The following ZBTB37 variants were observed in gnomAD, a reference collection of about 807,000 sequenced individuals.
ZBTB37 encodes zinc finger and BTB domain-containing protein 37.
In ZBTB37, 15 loss-of-function variants were observed where a neutral mutation model predicts 37.7. That is an observed-to-expected ratio of 0.40 (90% confidence interval 0.27 to 0.61). The LOEUF is 0.61. Ranked by LOEUF, ZBTB37 falls within the 20% of genes least tolerant of loss-of-function variation. ZBTB37 has a pLI of 0.44. For missense variants in ZBTB37, 514 were observed against 641.9 expected, an observed-to-expected ratio of 0.80 and a Z score of 2.15; for synonymous variants, 231 against 220.6, an observed-to-expected ratio of 1.05 and a Z score of -0.42.
intron 3 of ZBTB37, among the ~76,000 whole-genome samples, chr1:173,872,334 G>GCCTC (rs1655626550): frequency 6.6e-6 from 1 of 151,916 alleles, no homozygotes. Flanking sequence ...CAGCCTCCCA[G>GCCTC]AGTGCTGGGA....
At chr1:173,884,230 C>A (rs905497165) in intron 4 of ZBTB37, among the ~76,000 whole-genome samples, 4 of 150,968 alleles carry the variant, frequency 2.6e-5, no homozygotes, top group African/African-American at 9.8e-5. Context: ...CAGCTTATTG[C>A]AGCCTTGGCT....
At chr1:173,885,487 T>G in intron 4 of ZBTB37, 149 bp from the exon 5 acceptor site, 3 of 680,330 alleles carry the variant, frequency 4.4e-6, no homozygotes, top group Non-Finnish European at 7.3e-6. Flanking sequence ...TATGGTAATA[T>G]CTTTACTTTT....
chr1:173,871,699 G>A (rs750800779), intron 3 of ZBTB37, among the ~76,000 whole-genome samples: 4 of 152,108 alleles, frequency 2.6e-5, no homozygotes, highest in Non-Finnish European at 5.9e-5. Flanking sequence ...CCCTTGTCAC[G>A]TGATGGTATC....
chr1:173,902,873 T>C lies in ZBTB37; in HGVS notation c.*16749T>C, dbSNP rs1213427646. The C allele has an allele frequency of 3.9e-5, 6 of 152,262 alleles. 1 individual carries two copies. In the South Asian group the frequency reaches 6.2e-4, roughly 16 times the overall value. 9.4% of individuals were successfully genotyped at this position (152,262 alleles called of 1,614,324 possible). ...ACAAGTAATAACATCCACTTTTAAG[T>C]GGCCCCCACTCCATGCCAAAGGGAA... On this transcript the variant is annotated 3_prime_UTR_variant, in exon 4 of 4. Coordinates refer to the ZBTB37 transcript ENST00000367701.
At chr1:173,871,044 C>T (rs1437510890) in exon 3 of ZBTB37, 10 of 1,614,166 alleles carry the variant, frequency 6.2e-6, no homozygotes, top group Non-Finnish European at 7.6e-6. Flanking sequence ...AAGTAACAGC[C>T]ATGGTGATTG....
exon 4 of ZBTB37, chr1:173,903,143 C>T (rs1054635716): frequency 2.6e-5 from 4 of 152,048 alleles, no homozygotes; most frequent in African/African-American, 9.7e-5. Flanking sequence ...GACAGGTGTT[C>T]TCAGTCTCTC....
In ZBTB37 at chr1:173,885,561, A is replaced by G; in HGVS notation, c.1024-75A>G. 2.4e-6 allele frequency: 3 copies of G among 1,272,370 alleles called. No individual in the cohort carries two copies. In the South Asian group the frequency reaches 4.7e-5, roughly 20 times the overall value. The allele number at this position is 1,272,370 out of a possible 1,614,324, so 78.8% of individuals were successfully genotyped here. On this transcript the variant is annotated intron_variant, in intron 4 of 4. Transcript: ENST00000427304. ...ACATATATCTTAGTAACAAGTAAAA[A>G]TAGATTTGATTGCTTTTAATATGTA...
chr1:173,872,971 T>TA lies in ZBTB37; in HGVS notation c.924-495dup, dbSNP rs1238930804. ...GCAGTTAGCTGGGATCACGCCACTG[T>TA]ACTCCAGCCTGGGCAACAGAGCAAG... On this transcript the variant is annotated intron_variant, in intron 3 of 4. Coordinates refer to ENST00000427304, the Ensembl canonical transcript of ZBTB37. Among the ~76,000 whole-genome samples, 83 of 150,816 alleles carry TA rather than the reference T, an allele frequency of 5.5e-4. 1 individual carries two copies. In the Middle Eastern group the frequency reaches 0.014, roughly 25 times the overall value.
At chr1:173,902,368 C>T (rs917264492) in exon 4 of ZBTB37, 11 of 152,178 alleles carry the variant, frequency 7.2e-5, no homozygotes, top group Non-Finnish European at 1.6e-4. Flanking sequence ...AAAATGTTAT[C>T]CCTGAAAGGG....
At chr1:173,870,753 T>C (rs758337230) in exon 3 of ZBTB37, 1 of 1,614,026 alleles carries the variant, frequency 6.2e-7, no homozygotes, top group Non-Finnish European at 8.5e-7. Context: ...ACCGGCGAGG[T>C]CAGGTTAGTG....
exon 4 of ZBTB37, chr1:173,893,573 CA>C (rs1299606743): frequency 6.6e-6 from 1 of 151,994 alleles, no homozygotes; most frequent in Non-Finnish European, 1.5e-5. Context: ...GATAAAAGAT[CA>C]AAAAGGGGAC....
intron 4 of ZBTB37, among the ~76,000 whole-genome samples, chr1:173,882,491 C>T (rs572792828): frequency 2.9e-4 from 44 of 152,190 alleles, no homozygotes; most frequent in Non-Finnish European, 5.6e-4. Flanking sequence ...TCGCCCACCT[C>T]GGCCTCCCAA....
At chr1:173,886,124 A>C in exon 5 of ZBTB37, 1 of 1,549,452 alleles carries the variant, frequency 6.5e-7, no homozygotes, top group African/African-American at 1.4e-5. Context: ...GGCCAGACTG[A>C]AACATCCAGG....
chr1:173,889,867 T>C (rs1656775481), downstream of ZBTB37: 3 of 152,196 alleles, frequency 2.0e-5, no homozygotes, highest in South Asian at 6.2e-4. Context: ...AAATTTTATT[T>C]TTTGTCATTT....
At chr1:173,899,144 T>C (rs1019432189) in exon 4 of ZBTB37, 1 of 151,744 alleles carries the variant, frequency 6.6e-6, no homozygotes, top group Non-Finnish European at 1.5e-5. Context: ...AAGAATCTTG[T>C]AGGGAGATGA....
chr1:173,877,039 TA>T (rs1200233409), intron 4 of ZBTB37, among the ~76,000 whole-genome samples: 2 of 152,210 alleles, frequency 1.3e-5, no homozygotes, highest in Admixed American at 1.3e-4. Flanking sequence ...TTTGTGTATC[TA>T]AACATAAATT....
chr1:173,870,375 G>A lies in ZBTB37; in HGVS notation c.150G>A (p.Leu50=), dbSNP rs1189791117. 1.9e-6 allele frequency: 3 copies of A among 1,614,180 alleles called. No individual in the cohort carries two copies. In the South Asian group the frequency reaches 3.3e-5, roughly 18 times the overall value. The change falls in exon 3 of 5, where the codon CTG becomes CTA. Residue 50 remains leucine (L), a synonymous_variant. Coordinates refer to ENST00000427304, the Ensembl canonical transcript of ZBTB37. ...CTTTTCGGGCTCACAAAGTGGTGCT[G>A]GCTGCCAGCTCCCCCTATTTCCGGG...
intron 4 of ZBTB37, among the ~76,000 whole-genome samples, chr1:173,876,467 G>A (rs993476674): frequency 6.6e-6 from 1 of 152,024 alleles, no homozygotes; most frequent in Non-Finnish European, 1.5e-5. Context: ...ACAGGTGCAT[G>A]CTACCACGCC....
intron 4 of ZBTB37, among the ~76,000 whole-genome samples, chr1:173,874,388 CTGGAGTGCA>C (rs1185045213): frequency 1.3e-5 from 2 of 149,690 alleles, no homozygotes; most frequent in African/African-American, 5.0e-5. Context: ...GTCGCCCAGG[CTGGAGTGCA>C]TGGAGTGCAG....
Sources: gnomAD v4.1 joint callset for allele counts (sites outside exome capture counted in the v4.1 genomes callset) on GRCh38, gnomAD v4.1.1 for gene constraint, MANE v1.5 for transcripts, NCBI Gene and HGNC (gene_info 2026-07-23, HGNC 2026-07-21) for gene names.